Variants in BICRA observed in about 807,000 individuals in gnomAD.
BICRA encodes the protein BRD4-interacting chromatin-remodeling complex-associated protein.
Under a neutral mutation model 96.9 loss-of-function variants are expected in BICRA, and 31 were observed. The ratio of observed to expected loss-of-function variants is 0.32; its 90% CI spans 0.24 to 0.43. The LOEUF is 0.43. BICRA is among the 20% of genes least tolerant of loss of function. The pLI is 1.00. For synonymous variants in BICRA, 1,350 were observed against 1,071.8 expected (o/e 1.26, Z -5.07); for missense variants, 2,283 against 2,190.3 (o/e 1.04, Z -0.84).
chr19:47,622,772 G>A (rs1972084100), intron 1 of BICRA, among the ~76,000 whole-genome samples: 1 of 150,312 alleles, frequency 6.7e-6, no homozygotes, highest in South Asian at 2.1e-4. Flanking sequence ...GGGTGCGGTG[G>A]CTCATGCCTG....
At chr19:47,635,249 ATTTT>A (rs373765609) in intron 1 of BICRA, among the ~76,000 whole-genome samples, 1 of 137,234 alleles carries the variant, frequency 7.3e-6, no homozygotes. Flanking sequence ...CATTTCTAGG[ATTTT>A]TTTTTTTTTT....
rs980260463 is a variant in BICRA at position 47,694,916 on chromosome 19, T to G, written c.2912T>G (p.Ile971Ser). 1.3e-6 allele frequency: 2 copies of G among 1,517,496 alleles called. No individual in the cohort carries two copies. The highest frequency in any genetic ancestry group is 2.8e-5 in the African/African-American group (2 of 71,414). 94.0% of individuals were successfully genotyped at this position (1,517,496 alleles called of 1,614,324 possible). The change falls in exon 9 of 15, where the codon ATC (isoleucine) becomes AGC (serine). Residue 971 changes from isoleucine to serine, a missense_variant. Physicochemically the swap from Ile to Ser is moderately radical, Grantham distance 142. Coordinates refer to ENST00000594866, the MANE Select transcript of BICRA (RefSeq NM_001394372.1). ...CCTCCTCAGGTGCCGTCCGGAATCATCCTCCAGAACAAGGCTGGGGGGGCC... is the reference window on the plus strand; with the variant it reads ...CCTCCTCAGGTGCCGTCCGGAATCAGCCTCCAGAACAAGGCTGGGGGGGCC... ...ERFHQVPSGIILQNKAGGAPA... is the reference protein window; with the variant it reads ...ERFHQVPSGISLQNKAGGAPA...
intron 7 of BICRA, 90 bp from the exon 8 acceptor site, chr19:47,694,025 G>C: frequency 7.1e-7 from 1 of 1,416,210 alleles, no homozygotes; most frequent in Non-Finnish European, 9.2e-7. Context: ...TTCTGGCGGG[G>C]ATGGCTGGGG....
Position 47,694,895 on chromosome 19 carries a change from C to G in BICRA, c.2896-5C>G. 1 of 1,508,642 alleles carries G rather than the reference C, an allele frequency of 6.6e-7. No individual in the cohort carries two copies. Among genetic ancestry groups the G allele is most frequent in the South Asian group, 1.3e-5 (1 of 75,564 alleles). 93.5% of individuals were successfully genotyped at this position (1,508,642 alleles called of 1,614,324 possible). ...CCACCCCTCATCCACCTGTCCCCTC[C>G]TCAGGTGCCGTCCGGAATCATCCTC... On this transcript the variant is annotated splice_region_variant and splice_polypyrimidine_tract_variant and intron_variant, in intron 8 of 14. Transcript: ENST00000594866.
At position 47,681,237 on chromosome 19, in the gene BICRA, C is replaced by A; in HGVS notation, c.2067C>A (p.Ala689=). 6.5e-7 allele frequency: 1 copy of A among 1,537,724 alleles called. No individual in the cohort carries two copies. Among genetic ancestry groups the A allele is most frequent in the Non-Finnish European group, 8.7e-7 (1 of 1,147,576 alleles). The change falls in exon 6 of 15, where the codon GCC becomes GCA. Residue 689 remains alanine (A), a synonymous_variant. Coordinates refer to ENST00000594866, the MANE Select transcript of BICRA (RefSeq NM_001394372.1). ...LGQPPSATPT[A]ILTQDSLQMF... ...AGCCGCCCTCTGCCACCCCCACGGC[C>A]ATCCTCACTCAGGACTCCCTGCAGA...
intron 1 of BICRA, among the ~76,000 whole-genome samples, chr19:47,618,488 T>TTGCTTCTGTGTA (rs1415724185): frequency 1.3e-5 from 2 of 152,148 alleles, no homozygotes; most frequent in Non-Finnish European, 2.9e-5. Flanking sequence ...AGTGTTGTTA[T>TTGCTTCTGTGTA]TGCTTCTGTG....
intron 5 of BICRA, among the ~76,000 whole-genome samples, chr19:47,678,187 C>T (rs1300469226): frequency 6.6e-6 from 1 of 152,166 alleles, no homozygotes; most frequent in Admixed American, 6.5e-5. Context: ...AGGATCTCAG[C>T]TCATTACAGC....
Position 47,694,638 on chromosome 19 carries a change from C to A in BICRA, c.2807C>A (p.Pro936His). 5.1e-6 allele frequency: 8 copies of A among 1,574,798 alleles called. No homozygotes were observed. The highest frequency in any genetic ancestry group is 7.0e-6 in the Non-Finnish European group (8 of 1,145,814). ...CTGGTCCCTGAGCCGGCAGCACCCC[C>A]CCCACCGCCTCCTCGGACCTTCCAG... ...LHLVPEPAAP[P>H]PPPPRTFQMV... Residue 936 changes from proline (P) to histidine (H), a missense_variant, in exon 8 of 15, where the codon CCC (proline) becomes CAC (histidine). By Grantham distance (77) the Pro-to-His change is moderately conservative. Transcript: ENST00000594866.
upstream of BICRA, among the ~76,000 whole-genome samples, chr19:47,608,774 C>T (rs1362442996): frequency 6.6e-6 from 1 of 151,488 alleles, no homozygotes; most frequent in African/African-American, 2.4e-5. Context: ...GGGGCCGGGG[C>T]TGGTCCGCCC....
At chr19:47,613,224 C>T (rs1971935442) in intron 1 of BICRA, among the ~76,000 whole-genome samples, 1 of 152,096 alleles carries the variant, frequency 6.6e-6, no homozygotes, top group Admixed American at 6.5e-5. Context: ...GTGTATAAGG[C>T]TCCCCAGGTT....
At position 47,701,352 on chromosome 19, in the gene BICRA, C is replaced by T. The variant is rs758950481; in HGVS notation, c.3620C>T (p.Ser1207Leu). ...GACGAGTACGTGTCTTCCTCCCGCT[C>T]GCTCGGCCTCCCCATCGCAGCCTCT... ...KPDEYVSSSR[S>L]LGLPIAASSE... is the part of the protein sequence containing the mutation. The change falls in exon 15 of 15, where the codon TCG (serine) becomes TTG (leucine). Residue 1207 changes from serine (S) to leucine (L), a missense_variant. Transcript: ENST00000594866. The surrounding 1 kb of genome is among the most constrained non-coding windows in gnomAD (Gnocchi z 5.4). The T allele has an allele frequency of 5.0e-6, 8 of 1,611,310 alleles. No homozygotes were observed. Among genetic ancestry groups the T allele is most frequent in the Non-Finnish European group, 5.9e-6 (7 of 1,179,384 alleles).
intron 8 of BICRA, 69 bp downstream of exon 8, chr19:47,694,795 C>A: frequency 3.7e-6 from 4 of 1,092,922 alleles, no homozygotes; most frequent in African/African-American, 1.6e-5. Context: ...CTGATGGGAG[C>A]CCCTCCGCCT....
intron 7 of BICRA, among the ~76,000 whole-genome samples, chr19:47,687,110 A>G (rs1973171024): frequency 6.6e-6 from 1 of 151,982 alleles, no homozygotes. Context: ...TTATTTGTTT[A>G]TTTTTCTGGG....
chr19:47,679,726 G>A lies in BICRA; in HGVS notation c.556G>A (p.Asp186Asn). ...LTHQALVPPQDVVNKALSVQP... is the reference protein window; with the variant it reads ...LTHQALVPPQNVVNKALSVQP... ...CCACCAGGCCCTGGTGCCGCCCCAG[G>A]ACGTGGTCAACAAGGCCCTGAGTGT... is the stretch of plus-strand genomic sequence containing the variant. Residue 186 changes from aspartate to asparagine, a missense_variant, in exon 6 of 15, where the codon GAC becomes AAC. Coordinates refer to ENST00000594866, the MANE Select transcript of BICRA (RefSeq NM_001394372.1). 4 of 1,537,162 alleles carry A rather than the reference G, an allele frequency of 2.6e-6. No individual in the cohort carries two copies. The highest frequency in any genetic ancestry group is 3.5e-6 in the Non-Finnish European group (4 of 1,142,840).
chr19:47,693,004 A>T (rs1973263709), intron 7 of BICRA, among the ~76,000 whole-genome samples: 1 of 152,236 alleles, frequency 6.6e-6, no homozygotes, highest in Admixed American at 6.5e-5. Context: ...CCTTGGCCTC[A>T]GTTTCTTATC....
At chr19:47,695,344 C>CCT in intron 9 of BICRA, 21 bp from the exon 10 acceptor site, 1 of 513,692 alleles carries the variant, frequency 1.9e-6, no homozygotes, top group Non-Finnish European at 3.6e-6. Context: ...GCCCTGTCTC[C>CCT]CCCACCCCAC....
chr19:47,693,792 C>G (rs902902666), intron 7 of BICRA, among the ~76,000 whole-genome samples: 3 of 152,224 alleles, frequency 2.0e-5, no homozygotes, highest in African/African-American at 7.2e-5. Context: ...TGCTGCCACC[C>G]CAACCCTGCA....
rs569934566 is a variant in BICRA at position 47,616,214 on chromosome 19, G to A, written c.-108+7046G>A. ...GCACAGTGCCTGGGGTATAGCAAGC[G>A]CCCAAAAAATGTGAGTGGCTGTGAT... is the stretch of plus-strand genomic sequence containing the variant. On this transcript the variant is annotated intron_variant, in intron 1 of 14. Transcript: ENST00000594866. Among the ~76,000 whole-genome samples the A allele has an allele frequency of 1.7e-4, 26 of 152,258 alleles. No homozygotes were observed. The East Asian group carries it at 5.0e-3, about 29-fold the overall frequency.
At chr19:47,646,319 T>A (rs559111887) in intron 1 of BICRA, among the ~76,000 whole-genome samples, 1 of 152,160 alleles carries the variant, frequency 6.6e-6, no homozygotes, top group East Asian at 1.9e-4. Context: ...GCTGGAAACT[T>A]CCCTATGTCT....
Sources: gnomAD v4.1 joint callset for allele counts (sites outside exome capture counted in the v4.1 genomes callset) on GRCh38, gnomAD v4.1.1 for gene constraint, Gnocchi (gnomAD v3.1) non-coding constraint, MANE v1.5 for transcripts, NCBI Gene and HGNC (gene_info 2026-07-23, HGNC 2026-07-21) for gene names.